Variants in CSMD3 observed in about 807,000 individuals in gnomAD.
The protein encoded by CSMD3 is CUB and Sushi multiple domains 3, also known as CUB and sushi domain-containing protein 3.
CSMD3 carries 177 observed loss-of-function variants against 435.2 expected under a neutral mutation model. The observed-to-expected ratio is 0.41, with a 90% confidence interval of 0.36 to 0.46. The LOEUF is 0.46. Among genes scored for constraint, CSMD3 ranks in the 20% least tolerant of loss-of-function variants. The pLI is 0.34. For missense variants in CSMD3, 4,265 were observed against 4,504.6 expected, an observed-to-expected ratio of 0.95 and a Z score of 1.52; for synonymous variants, 1,656 against 1,520.5, an observed-to-expected ratio of 1.09 and a Z score of -2.07.
At chr8:112,310,864 C>A in intron 50 of CSMD3, 114 bp downstream of exon 50, 1 of 854,908 alleles carries the variant, frequency 1.2e-6, no homozygotes, top group Non-Finnish European at 1.9e-6. Flanking sequence ...AAAGAGTTCA[C>A]AATATGCTTC....
intron 4 of CSMD3, among the ~76,000 whole-genome samples, chr8:113,120,903 G>A (rs974335701): frequency 6.6e-6 from 1 of 152,054 alleles, no homozygotes; most frequent in African/African-American, 2.4e-5. Flanking sequence ...TATAAGAGGT[G>A]GACATGGGTG....
intron 10 of CSMD3, among the ~76,000 whole-genome samples, chr8:112,862,421 C>G (rs937125684): frequency 6.6e-6 from 1 of 151,832 alleles, no homozygotes; most frequent in African/African-American, 2.4e-5. Context: ...TGAACAGAAG[C>G]TGATAGAACT....
chr8:113,301,471 T>C (rs575348702), intron 2 of CSMD3, among the ~76,000 whole-genome samples: 2 of 152,098 alleles, frequency 1.3e-5, no homozygotes, highest in East Asian at 3.9e-4. Flanking sequence ...AATTTGACTG[T>C]TATAGTTAGA....
chr8:113,221,126 G>A (rs74337126), intron 3 of CSMD3, among the ~76,000 whole-genome samples: 4,476 of 151,234 alleles, frequency 0.03, 86 homozygotes, highest in Admixed American at 0.04. Flanking sequence ...TCTTGTACTG[G>A]AGATTTAAAA....
At chr8:113,216,392 A>G (rs1362427990) in intron 3 of CSMD3, among the ~76,000 whole-genome samples, 1 of 151,902 alleles carries the variant, frequency 6.6e-6, no homozygotes, top group East Asian at 1.9e-4. Flanking sequence ...GTTCCATTCT[A>G]TACCATTGAT....
intron 6 of CSMD3, among the ~76,000 whole-genome samples, chr8:112,997,596 T>C (rs2085701859): frequency 1.3e-5 from 2 of 151,566 alleles, no homozygotes; most frequent in African/African-American, 2.4e-5. Flanking sequence ...GTCAAGGAGA[T>C]ATTATATCTG....
At chr8:113,087,024 C>T (rs1286902359) in intron 5 of CSMD3, among the ~76,000 whole-genome samples, 1 of 152,210 alleles carries the variant, frequency 6.6e-6, no homozygotes, top group Non-Finnish European at 1.5e-5. Context: ...ATGAAAGACA[C>T]CTGATTCTCT....
In CSMD3 at chr8:112,729,138, C is replaced by T. The variant is rs565174123; in HGVS notation, c.1973-39088G>A. On this transcript the variant is annotated intron_variant, in intron 13 of 70. Transcript: ENST00000297405. The stretch of plus-strand genomic sequence containing the variant: ...GTTTTAATATATTGCAAAACTGTAT[C>T]TCCAGATGATTTTGTCAAAGTACAC... Among the ~76,000 whole-genome samples the T allele has an allele frequency of 9.2e-5, 14 of 152,018 alleles. No individual in the cohort carries two copies. The East Asian group carries it at 1.9e-3, about 21-fold the overall frequency.
intron 5 of CSMD3, among the ~76,000 whole-genome samples, chr8:113,076,230 T>C (rs985315222): frequency 2.6e-5 from 4 of 151,442 alleles, no homozygotes; most frequent in African/African-American, 4.8e-5. Flanking sequence ...CACAGATATA[T>C]AGATTAAGAA....
intron 46 of CSMD3, 94 bp downstream of exon 46, chr8:112,319,807 A>G: frequency 1.1e-6 from 1 of 890,308 alleles, no homozygotes; most frequent in Non-Finnish European, 1.9e-6. Flanking sequence ...GAGGGTCTCA[A>G]GACAGGCTAT....
Position 112,976,076 on chromosome 8 carries a change from A to C in CSMD3, c.1103T>G (p.Ile368Ser), listed in dbSNP as rs1428464892. 1 of 1,614,070 alleles carries C rather than the reference A, an allele frequency of 6.2e-7. No homozygotes were observed. The highest frequency in any genetic ancestry group is 2.2e-5 in the East Asian group (1 of 44,874). ...ATCTGCAGGTGTGCTAGCAACAGCAATAGCACCAGTGGTAGTCCTGTTATG... is the reference window on the plus strand; with the variant it reads ...ATCTGCAGGTGTGCTAGCAACAGCACTAGCACCAGTGGTAGTCCTGTTATG... Reference protein sequence around the residue: ...EEHNRTTTGAIAVASTPADVT... With the variant: ...EEHNRTTTGASAVASTPADVT... The change falls in exon 7 of 71, where the codon ATT becomes AGT. Residue 368 changes from isoleucine (I) to serine (S), a missense_variant. Ile to Ser is a moderately radical substitution (Grantham distance 142, BLOSUM62 -2). Transcript: ENST00000297405.
intron 27 of CSMD3, among the ~76,000 whole-genome samples, chr8:112,543,024 T>C (rs1400355067): frequency 6.6e-6 from 1 of 152,124 alleles, no homozygotes; most frequent in Non-Finnish European, 1.5e-5. Flanking sequence ...TGACAAACGG[T>C]ATTTAGAAAA....
intron 6 of CSMD3, among the ~76,000 whole-genome samples, chr8:112,999,110 T>C (rs1374933640): frequency 3.3e-5 from 5 of 151,952 alleles, no homozygotes; most frequent in Non-Finnish European, 7.4e-5. Flanking sequence ...ACTCCTCTAC[T>C]CACTCAGCAT....
At chr8:113,171,863 T>A (rs1472634599) in intron 4 of CSMD3, among the ~76,000 whole-genome samples, 1 of 152,186 alleles carries the variant, frequency 6.6e-6, no homozygotes, top group Non-Finnish European at 1.5e-5. Context: ...GAGAATATAG[T>A]GTTTTCCACC....
chr8:112,900,502 T>C (rs1256149868), intron 10 of CSMD3, among the ~76,000 whole-genome samples: 1 of 151,238 alleles, frequency 6.6e-6, no homozygotes, highest in Non-Finnish European at 1.5e-5. Flanking sequence ...CTTCATGTGA[T>C]ACTGTGGAAG....
chr8:112,961,139 A>G (rs572840710), intron 7 of CSMD3, among the ~76,000 whole-genome samples: 1 of 151,910 alleles, frequency 6.6e-6, no homozygotes, highest in South Asian at 2.1e-4. Context: ...ATTTGTACTA[A>G]TATTATTTAC....
intron 1 of CSMD3, among the ~76,000 whole-genome samples, chr8:113,326,121 A>T (rs1347819974): frequency 4.6e-5 from 7 of 152,226 alleles, no homozygotes; most frequent in Admixed American, 4.6e-4. Context: ...GGTTATCTCC[A>T]GAATGCAGTG....
At chr8:112,548,803 T>C (rs1293271393) in intron 27 of CSMD3, among the ~76,000 whole-genome samples, 2 of 152,114 alleles carry the variant, frequency 1.3e-5, no homozygotes, top group Non-Finnish European at 2.9e-5. Flanking sequence ...TAACCATCAA[T>C]GTAACTTTAT....
chr8:112,832,214 G>A (rs568553149), intron 11 of CSMD3, among the ~76,000 whole-genome samples: 1 of 152,292 alleles, frequency 6.6e-6, no homozygotes, highest in African/African-American at 2.4e-5. Flanking sequence ...GTGGGAGGCA[G>A]AATTCTAAGA....
Sources: allele counts gnomAD v4.1 joint callset (sites outside exome capture counted in the v4.1 genomes callset), GRCh38; gene constraint gnomAD v4.1.1; transcripts MANE v1.5; gene names NCBI Gene and HGNC (gene_info 2026-07-23, HGNC 2026-07-21).